DCBLD2: variants seen among roughly 807,000 people sequenced by gnomAD.
The protein encoded by DCBLD2 is discoidin, CUB and LCCL domain-containing protein 2.
A neutral mutation model predicts 86.8 loss-of-function variants in DCBLD2; 54 were observed. The ratio of observed to expected loss-of-function variants is 0.62; its 90% CI spans 0.50 to 0.78. The LOEUF (loss-of-function observed/expected upper bound fraction) is 0.78, where lower values mean the gene tolerates loss of function less well. DCBLD2 is among the 30% of genes least tolerant of loss of function. The pLI is 0.00. For synonymous variants in DCBLD2, 354 were observed against 341.3 expected (o/e 1.04, Z -0.41); for missense variants, 908 against 954.2 (o/e 0.95, Z 0.64).
At chr3:98,885,074 TG>T (rs1255240411) in intron 1 of DCBLD2, among the ~76,000 whole-genome samples, 2 of 152,170 alleles carry the variant, frequency 1.3e-5, no homozygotes, top group Non-Finnish European at 2.9e-5. Flanking sequence ...ACAGGACTTT[TG>T]CATGCATGCT....
chr3:98,884,887 T>TA (rs1484887225), intron 1 of DCBLD2, among the ~76,000 whole-genome samples: 3 of 152,132 alleles, frequency 2.0e-5, no homozygotes, highest in Admixed American at 1.3e-4. Context: ...TTATTCAACT[T>TA]ACGGTTGTCA....
At chr3:98,870,743 AAGAAAGAAAGAAAG>A (rs1559794435) in intron 2 of DCBLD2, among the ~76,000 whole-genome samples, 2 of 82,690 alleles carry the variant, frequency 2.4e-5, no homozygotes, top group Non-Finnish European at 5.1e-5. Flanking sequence ...AAGAAAAAGA[AAGAAAGAAAGAAAG>A]AAAGAAAGAA....
chr3:98,836,590 T>A (rs1422538127), intron 3 of DCBLD2, among the ~76,000 whole-genome samples: 1 of 148,924 alleles, frequency 6.7e-6, no homozygotes. Flanking sequence ...TCCTGGCCCG[T>A]TCTCAATGAG....
chr3:98,819,430 A>C lies in DCBLD2; in HGVS notation c.872-13T>G. 6 of 1,613,252 alleles carry C rather than the reference A, an allele frequency of 3.7e-6. No individual in the cohort carries two copies. Among genetic ancestry groups the C allele is most frequent in the Non-Finnish European group, 5.1e-6 (6 of 1,179,664 alleles). On this transcript the variant is annotated splice_polypyrimidine_tract_variant and intron_variant, in intron 7 of 15. Transcript: ENST00000326840. ...GTTCCATAACATCCTGAAACAAAGA[A>C]AAGACTAAATTTGGTTTCCAGGTAT...
intron 1 of DCBLD2, among the ~76,000 whole-genome samples, chr3:98,883,985 A>C (rs1432295137): frequency 6.6e-6 from 1 of 152,176 alleles, no homozygotes; most frequent in Admixed American, 6.5e-5. Flanking sequence ...TTATTAATTG[A>C]ATAAGGAAAC....
At chr3:98,829,320 T>A (rs968940221) in intron 3 of DCBLD2, among the ~76,000 whole-genome samples, 4 of 152,086 alleles carry the variant, frequency 2.6e-5, no homozygotes, top group African/African-American at 9.7e-5. Context: ...TTCAAGGGTA[T>A]ATGCGCAGGA....
At chr3:98,866,171 C>CGTGT (rs1943140161) in intron 2 of DCBLD2, among the ~76,000 whole-genome samples, 1 of 151,920 alleles carries the variant, frequency 6.6e-6, no homozygotes, top group African/African-American at 2.4e-5. Flanking sequence ...AATAAACAGA[C>CGTGT]GTGTGCATGT....
At chr3:98,862,404 G>A (rs1447200153) in intron 2 of DCBLD2, among the ~76,000 whole-genome samples, 1 of 152,162 alleles carries the variant, frequency 6.6e-6, no homozygotes, top group Non-Finnish European at 1.5e-5. Flanking sequence ...AAGCCTGGCA[G>A]AGACACAACA....
At chr3:98,864,597 C>T (rs140547661) in intron 2 of DCBLD2, among the ~76,000 whole-genome samples, 6 of 152,028 alleles carry the variant, frequency 3.9e-5, no homozygotes, top group Non-Finnish European at 5.9e-5. Context: ...AGCAAACTAT[C>T]GCAAGAACAA....
chr3:98,806,401 T>C (rs994459417), intron 13 of DCBLD2, among the ~76,000 whole-genome samples: 3 of 152,340 alleles, frequency 2.0e-5, no homozygotes, highest in African/African-American at 7.2e-5. Context: ...ACTATCACTG[T>C]TGTTGCTAAG....
rs1004927683 is a variant in DCBLD2 at position 98,801,746 on chromosome 3, C to T, written c.1671-97G>A. ...ACAGGCCTTGGTATGTGATATTCCC[C>T]TTCCTGTGTCCAAGTGTTCTCATTG... On this transcript the variant is annotated intron_variant, in intron 13 of 15. Coordinates refer to ENST00000326840, the MANE Select transcript of DCBLD2 (RefSeq NM_080927.4). The T allele has an allele frequency of 6.1e-6, 5 of 825,602 alleles. No homozygotes were observed. In the African/African-American group the frequency reaches 6.9e-5, roughly 11 times the overall value. The allele number at this position is 825,602 out of a possible 1,614,324, so 51.1% of individuals were successfully genotyped here. A position where few individuals can be genotyped will look rare whatever the true frequency, so the allele number is the denominator to read the frequency against.
Position 98,811,204 on chromosome 3 carries a change from A to T in DCBLD2, c.1566T>A (p.Asn522Lys). Residue 522 changes from asparagine (N) to lysine (K), a missense_variant, in exon 12 of 16, where the codon AAT (asparagine) becomes AAA (lysine). Transcript: ENST00000326840. ...TCCATGTTTGCATACCTTTGGTTAC[A>T]TTTGGAGTTACGGTAGTATTTCTGA... The part of the protein sequence containing the change: ...PDIRNTTVTP[N>K]VTKDVALAAV... 1 of 1,605,920 alleles carries T rather than the reference A, an allele frequency of 6.2e-7. No individual in the cohort carries two copies. The highest frequency in any genetic ancestry group is 2.2e-5 in the East Asian group (1 of 44,834).
At chr3:98,853,672 A>G (rs936185869) in intron 2 of DCBLD2, among the ~76,000 whole-genome samples, 3 of 152,244 alleles carry the variant, frequency 2.0e-5, no homozygotes, top group Non-Finnish European at 4.4e-5. Context: ...AAGGTGTTAA[A>G]TGGAAACATT....
intron 3 of DCBLD2, among the ~76,000 whole-genome samples, chr3:98,844,725 G>A (rs2107478544): frequency 6.6e-6 from 1 of 152,204 alleles, no homozygotes; most frequent in South Asian, 2.1e-4. Flanking sequence ...TACTGTGGTA[G>A]GTTCTGCCTC....
intron 4 of DCBLD2, among the ~76,000 whole-genome samples, chr3:98,823,549 A>G (rs1047101515): frequency 6.6e-6 from 1 of 152,208 alleles, no homozygotes; most frequent in Non-Finnish European, 1.5e-5. Context: ...TCAAACAGAC[A>G]AATATTGCCC....
At chr3:98,822,625 T>C (rs534467338) in intron 5 of DCBLD2, 44 bp downstream of exon 5, 1 of 1,508,256 alleles carries the variant, frequency 6.6e-7, no homozygotes, top group Non-Finnish European at 8.9e-7. Context: ...TCTAAAAAAA[T>C]AGAGTTATAT....
chr3:98,831,825 G>T (rs1431538556), intron 3 of DCBLD2, among the ~76,000 whole-genome samples: 1 of 152,016 alleles, frequency 6.6e-6, no homozygotes, highest in Non-Finnish European at 1.5e-5. Context: ...GTATGGTTTT[G>T]GTTCTTTTGC....
intron 2 of DCBLD2, among the ~76,000 whole-genome samples, chr3:98,876,412 TAAAAAAAAAAAAAA>T (rs60681986): frequency 2.1e-5 from 1 of 47,534 alleles, no homozygotes; most frequent in African/African-American, 1.1e-4. Flanking sequence ...AGATAAAAAG[TAAAAAAAAAAAAAA>T]AAAAAAAAAA....
intron 3 of DCBLD2, among the ~76,000 whole-genome samples, chr3:98,838,695 C>T (rs1434539011): frequency 4.6e-5 from 7 of 152,070 alleles, no homozygotes; most frequent in Admixed American, 1.3e-4. Flanking sequence ...CCAAGGCAGG[C>T]GGCTGGGAGG....
Sources: allele counts gnomAD v4.1 joint callset (sites outside exome capture counted in the v4.1 genomes callset), GRCh38; gene constraint gnomAD v4.1.1; transcripts MANE v1.5; gene names NCBI Gene and HGNC (gene_info 2026-07-23, HGNC 2026-07-21).